ABR: variants seen among roughly 807,000 people sequenced by gnomAD.
ABR encodes the protein ABR activator of RhoGEF and GTPase, also known as active breakpoint cluster region-related protein.
Under a neutral mutation model 107.2 loss-of-function variants are expected in ABR, and 35 were observed. The ratio of observed to expected loss-of-function variants is 0.33; its 90% CI spans 0.25 to 0.43. The LOEUF (loss-of-function observed/expected upper bound fraction) is 0.43. ABR is among the 20% of genes least tolerant of loss of function. The pLI, the probability that ABR is intolerant of heterozygous loss-of-function variation, is 1.00. For synonymous variants in ABR, 498 were observed against 462.0 expected (o/e 1.08, Z -1.00); for missense variants, 815 against 1,115.2 (o/e 0.73, Z 3.83).
intron 3 of ABR, 120 bp from the exon 4 acceptor site, chr17:1,091,970 C>T (rs2037061066): frequency 1.8e-6 from 2 of 1,085,336 alleles, no homozygotes; most frequent in East Asian, 2.4e-5. Flanking sequence ...ACAAGGCTGC[C>T]AAAGGCAGGG....
Position 1,050,436 on chromosome 17 carries a change from A to G in ABR, c.1659+101T>C. 1.7e-6 allele frequency: 2 copies of G among 1,161,894 alleles called. No homozygotes were observed. The highest frequency in any genetic ancestry group is 1.2e-5 in the South Asian group (1 of 80,412). 72.0% of individuals were successfully genotyped at this position (1,161,894 alleles called of 1,614,324 possible). A position where few individuals can be genotyped will look rare whatever the true frequency, so the allele number is the denominator to read the frequency against. ...GAGCAGGGAGCAGAAAGGGGGGTGC[A>G]GACATAGCTGGTCCAACCAATGGGC... On this transcript the variant is annotated intron_variant, in intron 15 of 22. Coordinates refer to ENST00000302538, the MANE Select transcript of ABR (RefSeq NM_021962.5). This position sits in a 1 kb window ranked among gnomAD's most constrained non-coding sequence, Gnocchi z 4.6.
rs911530273 is a variant in ABR at position 1,210,012 on chromosome 17, C to A, written c.838+18781G>T. On this transcript the variant is annotated intron_variant, in intron 1 of 22. Transcript: ENST00000574139. The surrounding 1 kb of genome is among the most constrained non-coding windows in gnomAD (Gnocchi z 5.6). Reference sequence around the variant, plus strand: ...ACAGATACATATGCCAAAGTGCCTTCAGAACCTCCAACAAATTAAAAAAAG... The same window carrying A: ...ACAGATACATATGCCAAAGTGCCTTAAGAACCTCCAACAAATTAAAAAAAG... 1.3e-5 allele frequency among the ~76,000 whole-genome samples: 2 copies of A among 152,198 alleles called. No homozygotes were observed. Among genetic ancestry groups the A allele is most frequent in the African/African-American group, 2.4e-5 (1 of 41,428 alleles).
rs149417776 is a variant in ABR, at chr17:1,164,792, T to C, written c.61+14875A>G. Among the ~76,000 whole-genome samples the C allele has an allele frequency of 4.3e-3, 648 of 152,152 alleles. 4 individuals carry two copies. The highest frequency in any genetic ancestry group is 0.014 in the African/African-American group (594 of 41,494). On this transcript the variant is annotated intron_variant, in intron 1 of 22. Coordinates refer to ENST00000302538, the MANE Select transcript of ABR (RefSeq NM_021962.5). ...AGCCATCCTCCCACCTCAGCCTCCGTAGGAGCTGGGACTACAGGTGTCTGC... is the reference window on the plus strand; with the variant it reads ...AGCCATCCTCCCACCTCAGCCTCCGCAGGAGCTGGGACTACAGGTGTCTGC...
chr17:1,216,506 C>T (rs2043013094), intron 1 of ABR, among the ~76,000 whole-genome samples: 1 of 152,224 alleles, frequency 6.6e-6, no homozygotes, highest in Non-Finnish European at 1.5e-5. Flanking sequence ...TGAAGGGGCC[C>T]GTCGGCTCTA....
intron 1 of ABR, among the ~76,000 whole-genome samples, chr17:1,147,107 C>G (rs1185603113): frequency 6.6e-6 from 1 of 152,252 alleles, no homozygotes; most frequent in Non-Finnish European, 1.5e-5. Context: ...TCCTGGCTAA[C>G]AAACTGTAAG....
chr17:1,018,679 C>T (rs2071394780), intron 16 of ABR, among the ~76,000 whole-genome samples: 1 of 152,172 alleles, frequency 6.6e-6, no homozygotes, highest in African/African-American at 2.4e-5. Flanking sequence ...CGGGCAAGGC[C>T]TTTCACCTCC....
At chr17:1,015,420 GAAAAA>G (rs534410630) in intron 16 of ABR, among the ~76,000 whole-genome samples, 1 of 131,620 alleles carries the variant, frequency 7.6e-6, no homozygotes, top group African/African-American at 2.8e-5. Context: ...CCTGTCTCAA[GAAAAA>G]AAAAAAAAAA....
chr17:1,031,650 T>C (rs2072776393), intron 16 of ABR: 2 of 1,252,652 alleles, frequency 1.6e-6, no homozygotes, highest in African/African-American at 1.6e-5. Flanking sequence ...GGCGCCGGTG[T>C]TGGGGGGGCG....
intron 1 of ABR, among the ~76,000 whole-genome samples, chr17:1,197,259 C>A (rs1375738384): frequency 1.3e-5 from 2 of 151,688 alleles, no homozygotes; most frequent in Non-Finnish European, 2.9e-5. Context: ...CCTGCTGTGG[C>A]GCAGGGAGGG....
intron 16 of ABR, among the ~76,000 whole-genome samples, chr17:1,046,657 G>A (rs2260052): frequency 0.35 from 52,907 of 152,070 alleles, 9,730 homozygotes; most frequent in East Asian, 0.65. Context: ...TGCTTCTCCA[G>A]GCCATTAGCC....
In ABR at chr17:1,004,043, T is replaced by C. The variant is rs534406244; in HGVS notation, c.*2037A>G. 6.6e-6 allele frequency: 1 copy of C among 152,392 alleles called. No individual in the cohort carries two copies. Among genetic ancestry groups the C allele is most frequent in the East Asian group, 1.9e-4 (1 of 5,186 alleles). The allele number at this position is 152,392 out of a possible 1,614,324, so 9.4% of individuals were successfully genotyped here. A position where few individuals can be genotyped will look rare whatever the true frequency, so the allele number is the denominator to read the frequency against. The stretch of plus-strand genomic sequence containing the variant: ...CTGTTCTCACGTTGCCTCAGCGAGC[T>C]TGGGGCTGTGGGGCTCCCTGAGGCT... On this transcript the variant is annotated 3_prime_UTR_variant, in exon 23 of 23. Coordinates refer to ENST00000302538, the MANE Select transcript of ABR (RefSeq NM_021962.5).
chr17:1,064,661 G>T (rs1163647725), intron 10 of ABR, among the ~76,000 whole-genome samples: 1 of 125,732 alleles, frequency 8.0e-6, no homozygotes, highest in Non-Finnish European at 1.7e-5. Context: ...TGTTCCTCTA[G>T]ACACTGTTGT....
chr17:1,201,503 C>G (rs1225388043), intron 1 of ABR, among the ~76,000 whole-genome samples: 1 of 152,090 alleles, frequency 6.6e-6, no homozygotes, highest in East Asian at 1.9e-4. Flanking sequence ...ACACACAACA[C>G]CTCTCTCCGG....
chr17:1,213,251 G>A (rs563416847), intron 1 of ABR, among the ~76,000 whole-genome samples: 1 of 152,166 alleles, frequency 6.6e-6, no homozygotes, highest in Admixed American at 6.5e-5. Flanking sequence ...ACACTGTGCC[G>A]GCCATTAATT....
intron 1 of ABR, among the ~76,000 whole-genome samples, chr17:1,156,801 G>T (rs1052199476): frequency 1.3e-5 from 2 of 152,190 alleles, no homozygotes; most frequent in Non-Finnish European, 2.9e-5. Context: ...CTGAGGCACA[G>T]GGAGATGGAC....
upstream of ABR, among the ~76,000 whole-genome samples, chr17:1,183,995 G>C (rs2042215265): frequency 6.6e-6 from 1 of 151,814 alleles, no homozygotes; most frequent in Non-Finnish European, 1.5e-5. Flanking sequence ...CAGATAGCCT[G>C]AGTCTGGGAG....
intron 16 of ABR, among the ~76,000 whole-genome samples, chr17:1,023,098 T>TCTGCCGGCCCCACGTCCGCTGCAGAGCCA: frequency 1.1e-5 from 1 of 89,712 alleles, no homozygotes; most frequent in East Asian, 3.5e-4. Flanking sequence ...CTGCAGAGCC[T>TCTGCCGGCCCCACGTCCGCTGCAGAGCCA]CTGCCGGCCC....
At chr17:1,126,567 T>C (rs2258567) in intron 1 of ABR, 149,089 of 152,426 alleles carry the variant, frequency 0.98, 73,006 homozygotes, top group East Asian at 1. Flanking sequence ...TCCTACGCAC[T>C]GGACTGCCCA....
chr17:1,089,695 C>G (rs1276075484), intron 4 of ABR, among the ~76,000 whole-genome samples: 1 of 152,202 alleles, frequency 6.6e-6, no homozygotes, highest in Non-Finnish European at 1.5e-5. Context: ...CGCGGTGGCT[C>G]ACGCCTGTAA....
Sources: gnomAD v4.1 joint callset for allele counts (sites outside exome capture counted in the v4.1 genomes callset) on GRCh38, gnomAD v4.1.1 for gene constraint, Gnocchi (gnomAD v3.1) non-coding constraint, MANE v1.5 for transcripts, NCBI Gene and HGNC (gene_info 2026-07-23, HGNC 2026-07-21) for gene names.